Variants in LYPD6 observed in about 807,000 individuals in gnomAD.
LYPD6 encodes the protein LY6/PLAUR domain containing 6, also known as ly6/PLAUR domain-containing protein 6.
LYPD6 carries 15 observed loss-of-function variants against 22.7 expected under a neutral mutation model. The observed-to-expected ratio is 0.66, with a 90% CI of 0.44 to 1.02. The LOEUF is 1.02. LYPD6 is among the 50% of genes least tolerant of loss of function. The probability of loss-of-function intolerance (pLI) is 0.00; values close to 1 mark genes in which losing one functional copy is unlikely to be tolerated. For missense variants in LYPD6, 189 were observed against 208.4 expected, an observed-to-expected ratio of 0.91 and a Z score of 0.57; for synonymous variants, 72 against 77.5, an observed-to-expected ratio of 0.93 and a Z score of 0.37.
intron 1 of LYPD6, among the ~76,000 whole-genome samples, chr2:149,413,232 G>A (rs991184415): frequency 3.3e-5 from 5 of 152,088 alleles, no homozygotes; most frequent in South Asian, 2.1e-4. Context: ...GCCAACATCC[G>A]GCCAGGCAGC....
intron 1 of LYPD6, among the ~76,000 whole-genome samples, chr2:149,373,189 A>T (rs994625991): frequency 1.3e-5 from 2 of 152,120 alleles, no homozygotes; most frequent in African/African-American, 4.8e-5. Flanking sequence ...GGAGTCCTAT[A>T]GGAGCAGTTG....
intron 3 of LYPD6, among the ~76,000 whole-genome samples, chr2:149,461,793 G>T (rs538005202): frequency 6.6e-6 from 1 of 152,030 alleles, no homozygotes; most frequent in Non-Finnish European, 1.5e-5. Context: ...ATAGGCTAAA[G>T]ATGAAAAATC....
rs1573817354 is a variant in LYPD6 at position 149,449,223 on chromosome 2, T to G, written c.217+76T>G. On this transcript the variant is annotated intron_variant, in intron 3 of 4. Transcript: ENST00000334166. Reference sequence around the variant, plus strand: ...CAGCCCTTTTGACTTTGGTGATGTATAAAGAGAGGCATGCTTGCAATCTCA... The same window carrying G: ...CAGCCCTTTTGACTTTGGTGATGTAGAAAGAGAGGCATGCTTGCAATCTCA... 3.3e-6 allele frequency: 3 copies of G among 920,730 alleles called. No individual in the cohort carries two copies. In the East Asian group the frequency reaches 7.8e-5, roughly 24 times the overall value. The allele number at this position is 920,730 out of a possible 1,614,324, so 57.0% of individuals were successfully genotyped here. A position where few individuals can be genotyped will look rare whatever the true frequency, so the allele number is the denominator to read the frequency against.
intron 1 of LYPD6, among the ~76,000 whole-genome samples, chr2:149,390,600 C>T (rs1682286829): frequency 6.6e-6 from 1 of 152,200 alleles, no homozygotes; most frequent in Non-Finnish European, 1.5e-5. Flanking sequence ...ATTGCCCACT[C>T]CTCAGTCATG....
At chr2:149,424,383 C>T (rs62190593) in intron 1 of LYPD6, among the ~76,000 whole-genome samples, 3,417 of 152,274 alleles carry the variant, frequency 0.022, 50 homozygotes, top group Middle Eastern at 0.048. Context: ...TATATTAATT[C>T]GTATCTTGTC....
At chr2:149,460,369 T>C (rs1376016380) in intron 3 of LYPD6, among the ~76,000 whole-genome samples, 2 of 151,958 alleles carry the variant, frequency 1.3e-5, no homozygotes, top group Non-Finnish European at 2.9e-5. Flanking sequence ...TCAGTGCAGA[T>C]AAAATTACCA....
chr2:149,355,534 AGAG>A (rs1181006090), intron 1 of LYPD6, among the ~76,000 whole-genome samples: 1 of 152,192 alleles, frequency 6.6e-6, no homozygotes, highest in Non-Finnish European at 1.5e-5. Flanking sequence ...ATTGAATCAG[AGAG>A]GAGATGTTGG....
rs200999823 is a variant in LYPD6, at chr2:149,434,919, CAA to C, written c.-71-2716_-71-2715del. ...GTGGGAGGAAATGTTACCTAAAAAA[CAA>C]AACAACAACAACAGAAAACATGCAG... On this transcript the variant is annotated intron_variant, in intron 1 of 4. Coordinates refer to ENST00000334166, the MANE Select transcript of LYPD6 (RefSeq NM_194317.5). Among the ~76,000 whole-genome samples, 838 of 151,314 alleles carry C rather than the reference CAA, an allele frequency of 5.5e-3. 9 individuals carry two copies. Among genetic ancestry groups the C allele is most frequent in the African/African-American group, 0.019 (775 of 41,502 alleles).
At chr2:149,384,372 A>G (rs931968529) in intron 1 of LYPD6, among the ~76,000 whole-genome samples, 2 of 152,206 alleles carry the variant, frequency 1.3e-5, no homozygotes, top group African/African-American at 4.8e-5. Context: ...CATCTGCAAT[A>G]GAAATACCTG....
chr2:149,481,341 C>T, the LYPD6 span, among the ~76,000 whole-genome samples: 2 of 152,186 alleles, frequency 1.3e-5, no homozygotes, highest in Non-Finnish European at 2.9e-5. Flanking sequence ...AATGTCAAAG[C>T]CGTAAAACTA....
chr2:149,389,637 G>C (rs1408657939), intron 1 of LYPD6, among the ~76,000 whole-genome samples: 4 of 152,176 alleles, frequency 2.6e-5, no homozygotes, highest in African/African-American at 9.7e-5. Context: ...CCAGGATTAA[G>C]AGTTTTGACC....
chr2:149,457,358 A>G (rs1224131481), intron 3 of LYPD6, among the ~76,000 whole-genome samples: 2 of 152,168 alleles, frequency 1.3e-5, no homozygotes, highest in African/African-American at 4.8e-5. Context: ...TATTCTTCCT[A>G]CCCATCCATC....
At chr2:149,370,585 GC>G (rs1681785972) in intron 1 of LYPD6, 1 of 152,192 alleles carries the variant, frequency 6.6e-6, no homozygotes, top group Non-Finnish European at 1.5e-5. Context: ...ATCTGCTGGT[GC>G]CCTGATCTTG....
In LYPD6 at chr2:149,472,682, C is replaced by T. The variant is rs890323414; in HGVS notation, c.*1832C>T. 5 of 152,618 alleles carry T rather than the reference C, an allele frequency of 3.3e-5. No individual in the cohort carries two copies. The highest frequency in any genetic ancestry group is 1.9e-4 in the East Asian group (1 of 5,196). 9.5% of individuals were successfully genotyped at this position (152,618 alleles called of 1,614,324 possible). On this transcript the variant is annotated 3_prime_UTR_variant, in exon 5 of 5. Transcript: ENST00000334166. Reference sequence around the variant, plus strand: ...TTAAGCACCTCGTATGTGCCAGGCACTATGCTAAGCACTTTACATAAGTTA... The same window carrying T: ...TTAAGCACCTCGTATGTGCCAGGCATTATGCTAAGCACTTTACATAAGTTA...
intron 3 of LYPD6, among the ~76,000 whole-genome samples, chr2:149,451,808 A>T (rs1680825540): frequency 1.3e-5 from 2 of 152,198 alleles, no homozygotes; most frequent in Non-Finnish European, 2.9e-5. Context: ...CAAAACAACC[A>T]TGCTAGGCCC....
At chr2:149,464,201 G>C (rs1359411594) in intron 3 of LYPD6, 1 of 379,126 alleles carries the variant, frequency 2.6e-6, no homozygotes, top group South Asian at 2.1e-5. Flanking sequence ...TATCCCAAAT[G>C]AGAAAGTTAA....
At chr2:149,340,240 T>C (rs1681132968) in intron 1 of LYPD6, among the ~76,000 whole-genome samples, 1 of 152,190 alleles carries the variant, frequency 6.6e-6, no homozygotes, top group Non-Finnish European at 1.5e-5. Flanking sequence ...CAATTTTTAG[T>C]GCCTTGTAGT....
intron 1 of LYPD6, among the ~76,000 whole-genome samples, chr2:149,397,085 T>C (rs1259261665): frequency 6.6e-6 from 1 of 152,236 alleles, no homozygotes; most frequent in African/African-American, 2.4e-5. Context: ...ATTCTATCTG[T>C]GGTTGGTTCA....
chr2:149,367,248 C>T (rs572547743), intron 1 of LYPD6, among the ~76,000 whole-genome samples: 15 of 152,252 alleles, frequency 9.9e-5, no homozygotes, highest in South Asian at 8.3e-4. Flanking sequence ...AAAGCTCAAC[C>T]GGGAAAGATC....
Sources: gnomAD v4.1 joint callset for allele counts (sites outside exome capture counted in the v4.1 genomes callset) on GRCh38, gnomAD v4.1.1 for gene constraint, MANE v1.5 for transcripts, NCBI Gene and HGNC (gene_info 2026-07-23, HGNC 2026-07-21) for gene names.